ZNF248: variants seen among roughly 807,000 people sequenced by gnomAD.
ZNF248 encodes KRAB protein domain.
A neutral mutation model predicts 44.3 loss-of-function variants in ZNF248; 20 were observed. That is an observed-to-expected ratio of 0.45 (90% CI 0.32 to 0.66). The LOEUF (loss-of-function observed/expected upper bound fraction) is 0.66, where lower values mean the gene tolerates loss of function less well. Among genes scored for constraint, ZNF248 ranks in the 30% least tolerant of loss-of-function variants. The probability of loss-of-function intolerance (pLI) is 0.04; values close to 1 mark genes in which losing one functional copy is unlikely to be tolerated. For synonymous variants in ZNF248, 224 were observed against 229.0 expected, an observed-to-expected ratio of 0.98 and a Z score of 0.20; for missense variants, 654 against 677.0, an observed-to-expected ratio of 0.97 and a Z score of 0.38.
chr10:37,765,295 T>C, the ZNF248 span, among the ~76,000 whole-genome samples: 1 of 152,158 alleles, frequency 6.6e-6, no homozygotes, highest in African/African-American at 2.4e-5. Context: ...TTGAGCTGTT[T>C]AGGGAATGGA....
intron 3 of ZNF248, among the ~76,000 whole-genome samples, chr10:37,842,834 T>C (rs1415605269): frequency 6.6e-6 from 1 of 152,128 alleles, no homozygotes; most frequent in Non-Finnish European, 1.5e-5. Context: ...ACCCCATATA[T>C]ACTGAGAAAA....
At chr10:37,819,351 G>A in intron 6 of ZNF248, 1 of 1,192,064 alleles carries the variant, frequency 8.4e-7, no homozygotes, top group Non-Finnish European at 1.3e-6. Context: ...ATTATTCTGG[G>A]ATGATCCAGT....
Position 37,857,547 on chromosome 10 carries a change from C to G in ZNF248, c.-488G>C, listed in dbSNP as rs1353675610. On this transcript the variant is annotated 5_prime_UTR_variant, in exon 1 of 6. Coordinates refer to ENST00000395867, the MANE Select transcript of ZNF248 (RefSeq NM_021045.3). ...TTACAGAGAGGAAAACCGAGTCTCC[C>G]GTGGATAATTGTGTCTAATTCATTT... 2 of 152,268 alleles carry G rather than the reference C, an allele frequency of 1.3e-5. No homozygotes were observed. Among genetic ancestry groups the G allele is most frequent in the Non-Finnish European group, 2.9e-5 (2 of 68,058 alleles). 9.4% of individuals were successfully genotyped at this position (152,268 alleles called of 1,614,324 possible).
At chr10:37,799,427 C>T (rs914607499) in intron 6 of ZNF248, among the ~76,000 whole-genome samples, 10 of 152,046 alleles carry the variant, frequency 6.6e-5, no homozygotes, top group Non-Finnish European at 1.0e-4. Context: ...AGCGTGATTG[C>T]GCACGCCTGT....
At chr10:37,813,948 T>G (rs2133454070) in intron 6 of ZNF248, among the ~76,000 whole-genome samples, 1 of 152,362 alleles carries the variant, frequency 6.6e-6, no homozygotes, top group East Asian at 1.9e-4. Context: ...ACAGTACTGT[T>G]CAATCACATT....
At chr10:37,779,187 C>T (rs1313536304) in intron 6 of ZNF248, among the ~76,000 whole-genome samples, 1 of 152,010 alleles carries the variant, frequency 6.6e-6, no homozygotes, top group African/African-American at 2.4e-5. Context: ...ATTCTGATAC[C>T]AAAGCCAGGC....
At chr10:37,768,031 G>T in the ZNF248 span, among the ~76,000 whole-genome samples, 3 of 152,128 alleles carry the variant, frequency 2.0e-5, no homozygotes, top group Non-Finnish European at 2.9e-5. Flanking sequence ...GACAAAGAAG[G>T]CCATTACGTA....
At chr10:37,766,394 C>G in the ZNF248 span, among the ~76,000 whole-genome samples, 1 of 152,198 alleles carries the variant, frequency 6.6e-6, no homozygotes, top group Non-Finnish European at 1.5e-5. Flanking sequence ...TGGCCGGGTA[C>G]TCCTCTGAAA....
At chr10:37,762,940 A>G in the ZNF248 span, among the ~76,000 whole-genome samples, 1 of 152,178 alleles carries the variant, frequency 6.6e-6, no homozygotes, top group Non-Finnish European at 1.5e-5. Flanking sequence ...GTAAATAATT[A>G]TTTTTTTAAA....
At chr10:37,798,601 T>C (rs1700879421) in intron 6 of ZNF248, among the ~76,000 whole-genome samples, 1 of 152,130 alleles carries the variant, frequency 6.6e-6, no homozygotes, top group Non-Finnish European at 1.5e-5. Flanking sequence ...CACATGTACA[T>C]GTATATTCAC....
downstream of ZNF248, among the ~76,000 whole-genome samples, chr10:37,824,673 A>ATTTTTTTTTTTTTTTT (rs755411927): frequency 7.9e-3 from 629 of 79,716 alleles, 134 homozygotes; most frequent in Non-Finnish European, 0.01. Context: ...ATTATTTTAA[A>ATTTTTTTTTTTTTTTT]TTTTTTTTTT....
Position 37,831,984 on chromosome 10 carries a change from T to G in ZNF248, c.1371A>C (p.Thr457=), listed in dbSNP as rs2055796887. ...ATTCATAGGGCTTCTCCCCTGTGTG[T>G]GTTCTCTGATGTTCAGTGAGGTTTG... is the stretch of plus-strand genomic sequence containing the variant. ...VKSNLTEHQR[T]HTGEKPYECN... is the part of the protein sequence containing the mutation. Residue 457 remains threonine (T), a synonymous_variant, in exon 6 of 6, where the codon ACA becomes ACC. Transcript: ENST00000395867. 1 of 1,613,958 alleles carries G rather than the reference T, an allele frequency of 6.2e-7. No homozygotes were observed. The highest frequency in any genetic ancestry group is 1.3e-5 in the African/African-American group (1 of 74,932).
chr10:37,822,184 C>A (rs114393924), intron 6 of ZNF248, among the ~76,000 whole-genome samples: 1,614 of 152,314 alleles, frequency 0.011, 24 homozygotes, highest in South Asian at 0.059. Flanking sequence ...TCCCTGGAGG[C>A]CTTGCCCCTT....
At chr10:37,792,302 C>T (rs544752665) in intron 6 of ZNF248, among the ~76,000 whole-genome samples, 17 of 152,260 alleles carry the variant, frequency 1.1e-4, no homozygotes, top group Admixed American at 7.2e-4. Flanking sequence ...AAAGCTGAAA[C>T]AAACTGAGCA....
chr10:37,781,068 C>A (rs1037454779), intron 6 of ZNF248, among the ~76,000 whole-genome samples: 1 of 152,000 alleles, frequency 6.6e-6, no homozygotes, highest in African/African-American at 2.4e-5. Flanking sequence ...TTTAATAGTG[C>A]GCTTTCAAAA....
At chr10:37,809,261 G>A (rs2051114334) in intron 6 of ZNF248, among the ~76,000 whole-genome samples, 1 of 147,038 alleles carries the variant, frequency 6.8e-6, no homozygotes, top group South Asian at 2.1e-4. Flanking sequence ...ATACATTTGA[G>A]CTTAGTTCTT....
At chr10:37,771,261 C>G in the ZNF248 span, among the ~76,000 whole-genome samples, 1 of 152,170 alleles carries the variant, frequency 6.6e-6, no homozygotes, top group Non-Finnish European at 1.5e-5. Flanking sequence ...ACCCAGCCAT[C>G]CCATTACTGG....
intron 6 of ZNF248, among the ~76,000 whole-genome samples, chr10:37,798,819 A>G (rs1016686547): frequency 3.3e-5 from 5 of 152,210 alleles, no homozygotes; most frequent in Admixed American, 3.3e-4. Flanking sequence ...GAACAGGTAT[A>G]GAAGTCAGAA....
Position 37,831,171 on chromosome 10 carries a change from A to G in ZNF248, c.*444T>C, listed in dbSNP as rs2055521631. On this transcript the variant is annotated 3_prime_UTR_variant, in exon 6 of 6. Transcript: ENST00000395867. ...TAAGGGTACGTATCTTCTCCTTATG[A>G]TCATGTTGAGTTCCAATATACAAAT... The G allele has an allele frequency of 6.1e-5, 93 of 1,529,024 alleles. 1 individual carries two copies. In the South Asian group the frequency reaches 1.1e-3, roughly 18 times the overall value. The allele number at this position is 1,529,024 out of a possible 1,614,324, so 94.7% of individuals were successfully genotyped here.
Sources: gnomAD v4.1 joint callset for allele counts (sites outside exome capture counted in the v4.1 genomes callset) on GRCh38, gnomAD v4.1.1 for gene constraint, MANE v1.5 for transcripts, NCBI Gene and HGNC (gene_info 2026-07-23, HGNC 2026-07-21) for gene names.